EARS2: variants seen among roughly 807,000 people sequenced by gnomAD.
EARS2 encodes nondiscriminating glutamyl-tRNA synthetase EARS2, mitochondrial.
EARS2 carries 50 observed loss-of-function variants against 54.1 expected under a neutral mutation model. That is an observed-to-expected ratio of 0.92 (90% CI 0.74 to 1.17). EARS2 has a LOEUF of 1.17. EARS2 is among the 50% of genes most tolerant of loss of function. The pLI is 0.00. For missense variants in EARS2, 673 were observed against 675.0 expected (o/e 1.00, Z 0.03); for synonymous variants, 298 against 281.0 (o/e 1.06, Z -0.61).
At chr16:23,549,454 A>G (rs1965658601) in intron 2 of EARS2, among the ~76,000 whole-genome samples, 2 of 152,192 alleles carry the variant, frequency 1.3e-5, no homozygotes. Flanking sequence ...CGAGGCCCCG[A>G]CAGAGGTGAG....
intron 3 of EARS2, among the ~76,000 whole-genome samples, chr16:23,535,855 T>C (rs1405365603): frequency 6.6e-6 from 1 of 152,186 alleles, no homozygotes; most frequent in Non-Finnish European, 1.5e-5. Context: ...CTGTCCTCTT[T>C]GGATGTTGTC....
At chr16:23,533,874 G>A (rs1180805012) in intron 4 of EARS2, among the ~76,000 whole-genome samples, 1 of 152,106 alleles carries the variant, frequency 6.6e-6, no homozygotes, top group African/African-American at 2.4e-5. Flanking sequence ...TGGACAACAT[G>A]GTGAAACCCC....
intron 7 of EARS2, among the ~76,000 whole-genome samples, chr16:23,527,832 C>A (rs939392503): frequency 1.3e-5 from 2 of 152,172 alleles, no homozygotes; most frequent in African/African-American, 4.8e-5. Context: ...GGATTACAGG[C>A]GTGAGTCACC....
At chr16:23,550,163 G>T (rs2142192756) in intron 2 of EARS2, among the ~76,000 whole-genome samples, 1 of 152,146 alleles carries the variant, frequency 6.6e-6, no homozygotes. Context: ...GGGTTCAACA[G>T]CAGCCTGGGC....
chr16:23,534,070 G>C (rs1055752243), intron 4 of EARS2, among the ~76,000 whole-genome samples: 1 of 145,270 alleles, frequency 6.9e-6, no homozygotes, highest in Non-Finnish European at 1.5e-5. Context: ...AAAAAAAAAA[G>C]TTAAGAACCG....
intron 1 of EARS2, chr16:23,556,697 C>A: frequency 2.8e-6 from 1 of 357,174 alleles, no homozygotes; most frequent in South Asian, 2.1e-5. Context: ...ATAGCGTGCT[C>A]CTTCTTGTCA....
intron 3 of EARS2, among the ~76,000 whole-genome samples, chr16:23,535,679 G>C (rs538112229): frequency 6.6e-6 from 1 of 152,312 alleles, no homozygotes; most frequent in African/African-American, 2.4e-5. Context: ...CCAGTGACCA[G>C]TCCAGGCAGG....
intron 2 of EARS2, among the ~76,000 whole-genome samples, chr16:23,549,858 G>A (rs923150868): frequency 6.6e-6 from 1 of 152,172 alleles, no homozygotes; most frequent in Non-Finnish European, 1.5e-5. Context: ...CACTCCTGCT[G>A]TGGGGCCTCT....
intron 3 of EARS2, among the ~76,000 whole-genome samples, chr16:23,543,730 C>CAAAAAAAAAAAAAAAA: frequency 1.7e-5 from 1 of 58,822 alleles, no homozygotes; most frequent in Non-Finnish European, 3.6e-5. Context: ...GAGACTGTCT[C>CAAAAAAAAAAAAAAAA]AAAAAAAAAA....
chr16:23,551,383 T>C (rs779343716), intron 2 of EARS2, among the ~76,000 whole-genome samples: 8 of 152,072 alleles, frequency 5.3e-5, no homozygotes, highest in Non-Finnish European at 1.0e-4. Flanking sequence ...TGGGAGGCTG[T>C]AGCAGGAGGA....
At position 23,557,293 on chromosome 16, in the gene EARS2, G is replaced by A. The variant is rs763200675; in HGVS notation, c.51C>T (p.Ala17=). 2 of 1,512,486 alleles carry A rather than the reference G, an allele frequency of 1.3e-6. No homozygotes were observed. The highest frequency in any genetic ancestry group is 1.4e-5 in the African/African-American group (1 of 71,996). The allele number at this position is 1,512,486 out of a possible 1,614,324, so 93.7% of individuals were successfully genotyped here. Residue 17 remains alanine, a synonymous_variant, in exon 1 of 9, where the codon GCC becomes GCT. Coordinates refer to ENST00000449606, the MANE Select transcript of EARS2 (RefSeq NM_001083614.2). ...RLLQRERPSA[A]SGRPVGRREA... ...CGCGCCGTCCTACGGGGCGGCCAGA[G>A]GCCGCCGAAGGCCTCTCGCGCTGCA...
chr16:23,553,946 A>G (rs935322536), intron 1 of EARS2, among the ~76,000 whole-genome samples: 1 of 152,026 alleles, frequency 6.6e-6, no homozygotes, highest in African/African-American at 2.4e-5. Context: ...TGCAGTGTGC[A>G]TGACTGTCCA....
chr16:23,543,048 G>A (rs1354467342), intron 3 of EARS2, among the ~76,000 whole-genome samples: 5 of 146,790 alleles, frequency 3.4e-5, no homozygotes, highest in Non-Finnish European at 4.5e-5. Context: ...CCGGGAGGTG[G>A]AGACTGCAGT....
intron 2 of EARS2, among the ~76,000 whole-genome samples, chr16:23,549,257 T>C (rs1026379844): frequency 2.0e-5 from 3 of 151,992 alleles, no homozygotes; most frequent in African/African-American, 7.3e-5. Flanking sequence ...CCACAACTGA[T>C]GGTATTTCCC....
chr16:23,529,763 C>T lies in EARS2; in HGVS notation c.1202G>A (p.Arg401Lys), dbSNP rs761724689. Residue 401 changes from arginine to lysine, a missense_variant, in exon 6 of 9, where the codon AGG (arginine) becomes AAG (lysine). This residue lies in a region of EARS2 where 338 missense variants were observed against 361.2 expected (regional missense o/e 0.94). Transcript: ENST00000449606. The stretch of plus-strand genomic sequence containing the variant: ...CCACACCTGTCTCAGCAGGAGGATC[C>T]TCTCCACGTAGACTGGGTTGAGGAC... ...RDVLNPVYVE[R>K]ILLLRQGHIC... The T allele has an allele frequency of 1.9e-6, 3 of 1,614,052 alleles. No homozygotes were observed. The highest frequency in any genetic ancestry group is 1.7e-5 in the Admixed American group (1 of 60,000).
At position 23,529,503 on chromosome 16, in the gene EARS2, C is replaced by T. The variant is rs767133394; in HGVS notation, c.1351G>A (p.Gly451Arg). 3 of 1,613,526 alleles carry T rather than the reference C, an allele frequency of 1.9e-6. No individual in the cohort carries two copies. The Admixed American group carries it at 5.0e-5, about 27-fold the overall frequency. The change falls in exon 7 of 9, where the codon GGG becomes AGG. Residue 451 changes from glycine to arginine, a missense_variant and splice_region_variant. Coordinates refer to ENST00000449606, the MANE Select transcript of EARS2 (RefSeq NM_001083614.2). ...TGAGCTCAGCCTGCGGGTACTCACC[C>T]CAGCACACGCTTGGCAATCACATCC... is the stretch of plus-strand genomic sequence containing the variant. ...KVDVIAKRVL[G>R]LLERSSMSLT...
intron 5 of EARS2, among the ~76,000 whole-genome samples, chr16:23,531,268 CTT>C (rs879532899): frequency 6.8e-6 from 1 of 146,474 alleles, no homozygotes; most frequent in Non-Finnish European, 1.5e-5. Context: ...TAGTTTCTTT[CTT>C]TTTTTTTTGA....
chr16:23,555,568 C>A (rs925124629), intron 1 of EARS2, among the ~76,000 whole-genome samples: 3 of 152,222 alleles, frequency 2.0e-5, no homozygotes, highest in South Asian at 4.1e-4. Flanking sequence ...TGGACCCAGG[C>A]AATCCCAGGC....
rs57291348 is a variant in EARS2, at chr16:23,551,273, C to T, written c.295+876G>A. Among the ~76,000 whole-genome samples, 1,132 of 152,278 alleles carry T rather than the reference C, an allele frequency of 7.4e-3. 18 individuals are homozygous for T. The highest frequency in any genetic ancestry group is 0.026 in the African/African-American group (1,080 of 41,552). On this transcript the variant is annotated intron_variant, in intron 2 of 8. Coordinates refer to ENST00000449606, the MANE Select transcript of EARS2 (RefSeq NM_001083614.2). ...CCAGTTCCCACTTGGCCCTGTGTTT[C>T]CTGCCTGGCCCCTGTAGGGAATGAA...
Sources: allele counts gnomAD v4.1 joint callset (sites outside exome capture counted in the v4.1 genomes callset), GRCh38; gene constraint gnomAD v4.1.1; regional missense constraint gnomAD v4.1.1; transcripts MANE v1.5; gene names NCBI Gene and HGNC (gene_info 2026-07-23, HGNC 2026-07-21).